Variants in GALNTL6 observed in about 807,000 individuals in gnomAD.
The protein encoded by GALNTL6 is polypeptide N-acetylgalactosaminyltransferase-like 6.
A neutral mutation model predicts 73.7 loss-of-function variants in GALNTL6; 46 were observed. The ratio of observed to expected loss-of-function variants is 0.62; its 90% CI spans 0.49 to 0.80. The LOEUF is 0.80. Among genes scored for constraint, GALNTL6 ranks in the 30% least tolerant of loss-of-function variants. The pLI is 0.00. For synonymous variants in GALNTL6, 259 were observed against 263.7 expected, an observed-to-expected ratio of 0.98 and a Z score of 0.17; for missense variants, 604 against 755.0, an observed-to-expected ratio of 0.80 and a Z score of 2.34.
chr4:172,872,417 T>C (rs1744994671), intron 7 of GALNTL6, among the ~76,000 whole-genome samples: 1 of 152,250 alleles, frequency 6.6e-6, no homozygotes, highest in Non-Finnish European at 1.5e-5. Context: ...CTTCTGTTCA[T>C]CTCAATTATT....
At chr4:172,939,689 C>T (rs1748819539) in intron 9 of GALNTL6, among the ~76,000 whole-genome samples, 1 of 152,144 alleles carries the variant, frequency 6.6e-6, no homozygotes, top group Non-Finnish European at 1.5e-5. Context: ...CTTGGGGCAT[C>T]CCCTGCACTG....
intron 2 of GALNTL6, among the ~76,000 whole-genome samples, chr4:172,146,075 G>A (rs1359460189): frequency 6.6e-6 from 1 of 152,122 alleles, no homozygotes; most frequent in African/African-American, 2.4e-5. Context: ...CCTAAAACAA[G>A]AAGAACATCT....
chr4:172,256,984 C>A (rs989305566), intron 3 of GALNTL6, among the ~76,000 whole-genome samples: 2 of 151,218 alleles, frequency 1.3e-5, no homozygotes, highest in Non-Finnish European at 3.0e-5. Flanking sequence ...AGTTCTGTTC[C>A]CCTTAGCCCT....
At chr4:172,988,537 A>C (rs557730183) in intron 10 of GALNTL6, among the ~76,000 whole-genome samples, 1 of 152,342 alleles carries the variant, frequency 6.6e-6, no homozygotes, top group South Asian at 2.1e-4. Context: ...ATTCATTTTC[A>C]TGGGAGGAAT....
chr4:172,614,885 G>A (rs908961765), intron 5 of GALNTL6, among the ~76,000 whole-genome samples: 2 of 152,034 alleles, frequency 1.3e-5, no homozygotes, highest in Non-Finnish European at 2.9e-5. Context: ...TGATTAATGG[G>A]TTTGGTTAAA....
intron 9 of GALNTL6, among the ~76,000 whole-genome samples, chr4:172,932,445 C>A (rs371689312): frequency 6.6e-6 from 1 of 151,960 alleles, no homozygotes; most frequent in Non-Finnish European, 1.5e-5. Flanking sequence ...TTCCTTTTTC[C>A]CTTTCTGAGA....
At chr4:172,753,407 C>T (rs1737547116) in intron 5 of GALNTL6, among the ~76,000 whole-genome samples, 2 of 152,138 alleles carry the variant, frequency 1.3e-5, no homozygotes, top group Non-Finnish European at 1.5e-5. Context: ...ACACCCTTAT[C>T]ATTAAATATT....
chr4:171,875,490 G>A (rs1736251358), intron 2 of GALNTL6, among the ~76,000 whole-genome samples: 1 of 152,084 alleles, frequency 6.6e-6, no homozygotes, highest in African/African-American at 2.4e-5. Flanking sequence ...GTCAGTTGAT[G>A]CACATGTGTG....
chr4:172,237,518 T>C (rs1305440251), intron 3 of GALNTL6, among the ~76,000 whole-genome samples: 1 of 150,938 alleles, frequency 6.6e-6, no homozygotes, highest in Admixed American at 6.6e-5. Flanking sequence ...TTTACAAATA[T>C]TTTCTCCCAT....
At chr4:172,276,008 A>C (rs1679545288) in intron 3 of GALNTL6, among the ~76,000 whole-genome samples, 2 of 152,310 alleles carry the variant, frequency 1.3e-5, no homozygotes, top group African/African-American at 2.4e-5. Flanking sequence ...ACTTTGGTAG[A>C]GATGTTAATT....
intron 2 of GALNTL6, among the ~76,000 whole-genome samples, chr4:171,913,199 A>T (rs1043227877): frequency 6.6e-6 from 1 of 152,230 alleles, no homozygotes; most frequent in African/African-American, 2.4e-5. Flanking sequence ...ATTTTCTTAG[A>T]TGGAACTGGA....
intron 5 of GALNTL6, among the ~76,000 whole-genome samples, chr4:172,760,760 G>A (rs555417671): frequency 2.6e-5 from 4 of 152,146 alleles, no homozygotes; most frequent in East Asian, 3.9e-4. Context: ...CTGATCCCTC[G>A]CCCCACCGAC....
chr4:172,719,577 G>A (rs1735326875), intron 5 of GALNTL6, among the ~76,000 whole-genome samples: 1 of 152,100 alleles, frequency 6.6e-6, no homozygotes, highest in Admixed American at 6.6e-5. Context: ...TAGAAAATTA[G>A]AATAGCATAC....
intron 5 of GALNTL6, among the ~76,000 whole-genome samples, chr4:172,483,788 C>A (rs142004376): frequency 7.4e-4 from 112 of 152,148 alleles, no homozygotes; most frequent in African/African-American, 2.5e-3. Context: ...CCTACAACAT[C>A]CAGTCGGAAG....
chr4:172,393,874 T>G (rs1409834080), intron 5 of GALNTL6, among the ~76,000 whole-genome samples: 2 of 152,240 alleles, frequency 1.3e-5, no homozygotes, highest in African/African-American at 4.8e-5. Context: ...TTTATATTTA[T>G]GTTCAATTTT....
chr4:172,997,663 A>C (rs1751856247), intron 10 of GALNTL6, among the ~76,000 whole-genome samples: 1 of 152,104 alleles, frequency 6.6e-6, no homozygotes, highest in Admixed American at 6.6e-5. Flanking sequence ...GGGAAGGGTG[A>C]AGAGATGTGG....
intron 3 of GALNTL6, among the ~76,000 whole-genome samples, chr4:172,264,199 C>T (rs557824981): frequency 5.9e-5 from 9 of 151,276 alleles, no homozygotes; most frequent in African/African-American, 9.7e-5. Context: ...CCAACAAATA[C>T]GTAGGAAGAT....
chr4:172,106,367 T>C (rs1307954375), intron 2 of GALNTL6, among the ~76,000 whole-genome samples: 2 of 152,176 alleles, frequency 1.3e-5, no homozygotes, highest in African/African-American at 4.8e-5. Context: ...TCCTGTTAAG[T>C]AGAGAATCAA....
At chr4:172,184,455 T>C (rs1735356433) in intron 2 of GALNTL6, among the ~76,000 whole-genome samples, 1 of 152,140 alleles carries the variant, frequency 6.6e-6, no homozygotes, top group African/African-American at 2.4e-5. Context: ...GCAGAAAAAA[T>C]AAATAAAGAG....
Sources: gnomAD v4.1 joint callset for allele counts (sites outside exome capture counted in the v4.1 genomes callset) on GRCh38, gnomAD v4.1.1 for gene constraint, MANE v1.5 for transcripts, NCBI Gene and HGNC (gene_info 2026-07-23, HGNC 2026-07-21) for gene names.